RFX4: variants seen among roughly 807,000 people sequenced by gnomAD.
RFX4 encodes the protein transcription factor RFX4.
In RFX4, 10 loss-of-function variants were observed where a neutral mutation model predicts 95.0. The observed-to-expected ratio is 0.11, with a 90% confidence interval of 0.06 to 0.18. RFX4 has a LOEUF of 0.18. Ranked by LOEUF, RFX4 falls within the 10% of genes least tolerant of loss-of-function variation. RFX4 has a pLI of 1.00. For synonymous variants in RFX4, 321 were observed against 340.7 expected, an observed-to-expected ratio of 0.94 and a Z score of 0.64; for missense variants, 640 against 922.0, an observed-to-expected ratio of 0.69 and a Z score of 3.96.
In RFX4 at chr12:106,605,412, T is replaced by C. The variant is rs562262672; in HGVS notation, c.44-3385T>C. On this transcript the variant is annotated intron_variant, in intron 1 of 17. Transcript: ENST00000392842. ...GAGATGCCACTCCTAAGGGCTCCAC[T>C]AGGGAAGAAGTCAGAGGTCAAAGTG... Among the ~76,000 whole-genome samples, 6 of 152,304 alleles carry C rather than the reference T, an allele frequency of 3.9e-5. No homozygotes were observed. The East Asian group carries it at 1.2e-3, about 29-fold the overall frequency.
chr12:106,744,895 A>G (rs1277871405), intron 15 of RFX4, among the ~76,000 whole-genome samples: 3 of 152,312 alleles, frequency 2.0e-5, no homozygotes, highest in South Asian at 2.1e-4. Flanking sequence ...TAGAATCAAG[A>G]TGAAGTCCAT....
intron 13 of RFX4, among the ~76,000 whole-genome samples, chr12:106,722,272 A>G (rs1419166181): frequency 1.3e-5 from 2 of 152,228 alleles, no homozygotes; most frequent in East Asian, 3.8e-4. Flanking sequence ...CAACAATATC[A>G]CACACAAACA....
At chr12:106,716,783 G>A (rs1304720612) in intron 11 of RFX4, among the ~76,000 whole-genome samples, 1 of 151,848 alleles carries the variant, frequency 6.6e-6, no homozygotes, top group Non-Finnish European at 1.5e-5. Flanking sequence ...ATACATGCAC[G>A]GTCCCATTTA....
chr12:106,601,095 C>T (rs976325522), intron 1 of RFX4: 6 of 1,387,238 alleles, frequency 4.3e-6, no homozygotes, highest in Admixed American at 3.0e-5. Flanking sequence ...AGGGCAGGGC[C>T]CCTTCCTGGA....
intron 5 of RFX4, 125 bp from the exon 6 acceptor site, chr12:106,686,759 T>A: frequency 1.3e-6 from 1 of 788,532 alleles, no homozygotes; most frequent in Non-Finnish European, 2.1e-6. Flanking sequence ...CCAGGTAGGA[T>A]GGCCCCAGCT....
intron 10 of RFX4, among the ~76,000 whole-genome samples, chr12:106,713,517 C>T (rs943186708): frequency 2.2e-4 from 34 of 152,108 alleles, no homozygotes; most frequent in Admixed American, 3.9e-4. Context: ...TAAGCTGGAG[C>T]GTACATTGTA....
intron 15 of RFX4, among the ~76,000 whole-genome samples, chr12:106,745,183 C>A (rs2042869684): frequency 6.6e-6 from 1 of 152,088 alleles, no homozygotes; most frequent in African/African-American, 2.4e-5. Flanking sequence ...ATTTTATTGT[C>A]TCGAATCTTT....
intron 10 of RFX4, 96 bp from the exon 11 acceptor site, chr12:106,715,304 T>C: frequency 7.1e-7 from 1 of 1,399,622 alleles, no homozygotes; most frequent in Non-Finnish European, 9.6e-7. Context: ...GTTTGCAAAA[T>C]ACCATAAGCA....
chr12:106,653,109 G>C (rs1284967944), intron 3 of RFX4, among the ~76,000 whole-genome samples: 1 of 152,170 alleles, frequency 6.6e-6, no homozygotes, highest in Non-Finnish European at 1.5e-5. Flanking sequence ...CCTAAGAGAA[G>C]TTCCCAAATT....
intron 4 of RFX4, among the ~76,000 whole-genome samples, chr12:106,658,076 T>A (rs773900948): frequency 2.6e-5 from 4 of 152,138 alleles, no homozygotes; most frequent in Non-Finnish European, 4.4e-5. Flanking sequence ...TCATTATGCA[T>A]CCCCTACACC....
chr12:106,716,250 C>T (rs1026725849), intron 11 of RFX4, among the ~76,000 whole-genome samples: 7 of 152,120 alleles, frequency 4.6e-5, no homozygotes, highest in African/African-American at 1.4e-4. Context: ...TAGGCGTCTA[C>T]AGGCTACCTC....
At chr12:106,636,835 C>A (rs2040524568) in intron 2 of RFX4, among the ~76,000 whole-genome samples, 1 of 152,176 alleles carries the variant, frequency 6.6e-6, no homozygotes, top group Non-Finnish European at 1.5e-5. Flanking sequence ...CCACATGTGA[C>A]AATCAGAGCC....
intron 17 of RFX4, among the ~76,000 whole-genome samples, chr12:106,758,076 T>C (rs540982589): frequency 6.6e-6 from 1 of 152,336 alleles, no homozygotes; most frequent in South Asian, 2.1e-4. Flanking sequence ...TTATGGGCCC[T>C]CAACAAAAGG....
chr12:106,646,109 A>T (rs2040738466), intron 3 of RFX4, among the ~76,000 whole-genome samples: 2 of 152,212 alleles, frequency 1.3e-5, no homozygotes, highest in Non-Finnish European at 2.9e-5. Flanking sequence ...TTTGAAGCAC[A>T]TGCAGCCAGC....
chr12:106,641,973 A>ATATCTATATCTATATCTATATC (rs1565961026), intron 3 of RFX4, among the ~76,000 whole-genome samples: 4 of 108,460 alleles, frequency 3.7e-5, no homozygotes, highest in African/African-American at 1.6e-4. Flanking sequence ...ATATCTATCT[A>ATATCTATATCTATATCTATATC]TATCTATATC....
chr12:106,711,462 G>A lies in RFX4; in HGVS notation c.944G>A (p.Arg315Lys), dbSNP rs1258741783. The change falls in exon 10 of 18, where the codon AGG (arginine) becomes AAG (lysine). Residue 315 changes from arginine (R) to lysine (K), a missense_variant. Transcript: ENST00000392842. ...TCTTTTCTCCTTGCAGTGTCGAGAA[G>A]GTTCTCCCAAATTCTGAGACGGCAA... ...LRNIKFELSR[R>K]FSQILRRQTS... 1.2e-6 allele frequency: 2 copies of A among 1,613,702 alleles called. No homozygotes were observed. Among genetic ancestry groups the A allele is most frequent in the Admixed American group, 3.3e-5 (2 of 60,006 alleles).
intron 14 of RFX4, 121 bp from the exon 15 acceptor site, chr12:106,732,803 C>T (rs2042638066): frequency 6.5e-6 from 6 of 926,788 alleles, no homozygotes; most frequent in Admixed American, 4.9e-5. Flanking sequence ...GGGAAACCAT[C>T]GAAGAGTTTG....
At chr12:106,695,381 C>T (rs2041860725) in intron 7 of RFX4, among the ~76,000 whole-genome samples, 1 of 152,318 alleles carries the variant, frequency 6.6e-6, no homozygotes, top group East Asian at 1.9e-4. Context: ...TATTTCTCTT[C>T]ACTTCCCTTA....
Position 106,686,916 on chromosome 12 carries a change from G to C in RFX4, c.410G>C (p.Ser137Thr), listed in dbSNP as rs896013620. Residue 137 changes from serine (S) to threonine (T), a missense_variant, in exon 6 of 18, where the codon AGC (serine) becomes ACC (threonine). Physicochemically the swap from Ser to Thr is moderately conservative, Grantham distance 58. Coordinates refer to ENST00000392842, the MANE Select transcript of RFX4 (RefSeq NM_213594.3). Reference protein sequence around the residue: ...YHYYGIAVKESSQYYDVMYSK... With the variant: ...YHYYGIAVKETSQYYDVMYSK... ...TACTATGGCATTGCAGTGAAAGAAA[G>C]CTCCCAATATTATGATGTGATGTAT... is the stretch of plus-strand genomic sequence containing the variant. The C allele has an allele frequency of 6.2e-7, 1 of 1,612,776 alleles. No homozygotes were observed. The highest frequency in any genetic ancestry group is 8.5e-7 in the Non-Finnish European group (1 of 1,179,854).
Sources: gnomAD v4.1 joint callset for allele counts (sites outside exome capture counted in the v4.1 genomes callset) on GRCh38, gnomAD v4.1.1 for gene constraint, MANE v1.5 for transcripts, NCBI Gene and HGNC (gene_info 2026-07-23, HGNC 2026-07-21) for gene names.